LCORL: variants seen among roughly 807,000 people sequenced by gnomAD.
LCORL encodes the protein ligand dependent nuclear receptor corepressor like.
A neutral mutation model predicts 141.8 loss-of-function variants in LCORL; 41 were observed. The observed-to-expected ratio is 0.29, with a 90% CI of 0.23 to 0.38. The LOEUF (loss-of-function observed/expected upper bound fraction) is 0.38. LCORL is among the 10% of genes least tolerant of loss of function. The pLI, the probability that LCORL is intolerant of heterozygous loss-of-function variation, is 1.00. For synonymous variants in LCORL, 618 were observed against 694.1 expected, an observed-to-expected ratio of 0.89 and a Z score of 1.72; for missense variants, 1,759 against 2,035.0, an observed-to-expected ratio of 0.86 and a Z score of 2.61.
intron 4 of LCORL, among the ~76,000 whole-genome samples, chr4:17,929,101 G>C (rs1450862141): frequency 1.3e-5 from 2 of 152,154 alleles, no homozygotes; most frequent in Non-Finnish European, 2.9e-5. Flanking sequence ...AGGCAGAAGA[G>C]TTGTACACCG....
intron 4 of LCORL, among the ~76,000 whole-genome samples, chr4:17,910,906 T>C (rs769468851): frequency 1.3e-5 from 2 of 152,162 alleles, no homozygotes; most frequent in African/African-American, 2.4e-5. Flanking sequence ...ATAAGAAAAA[T>C]ACAATTTTAT....
At chr4:17,847,501 TATAA>T (rs1314687254) in intron 7 of LCORL, among the ~76,000 whole-genome samples, 1 of 152,226 alleles carries the variant, frequency 6.6e-6, no homozygotes, top group African/African-American at 2.4e-5. Flanking sequence ...TTTCAATTTG[TATAA>T]ATAGATACTA....
rs1726611914 is a variant in LCORL at position 17,873,657 on chromosome 4, G to T, written c.5333C>A (p.Ala1778Asp). The T allele has an allele frequency of 2.4e-6, 3 of 1,233,916 alleles. No homozygotes were observed. The East Asian group carries it at 9.5e-5, about 39-fold the overall frequency. The allele number at this position is 1,233,916 out of a possible 1,614,324, so 76.4% of individuals were successfully genotyped here. ...TTGCTTTTTAAAAGAATTTTGCCTAGCAGAATGAGATCTTAAAGTAAAGCG... is the reference window on the plus strand; with the variant it reads ...TTGCTTTTTAAAAGAATTTTGCCTATCAGAATGAGATCTTAAAGTAAAGCG... The change falls in exon 7 of 8, where the codon GCT becomes GAT. Residue 1778 changes from alanine to aspartate, a missense_variant. Physicochemically the swap from Ala to Asp is moderately radical, Grantham distance 126 (BLOSUM62 -2). This residue lies in a region of LCORL where 313 missense variants were observed against 336.1 expected (regional missense o/e 0.93). Coordinates refer to ENST00000635767, the Ensembl canonical transcript of LCORL.
exon 7 of LCORL, chr4:17,876,933 T>C: frequency 8.1e-7 from 1 of 1,230,736 alleles, no homozygotes; most frequent in Non-Finnish European, 1.0e-6. Context: ...TTCAGCATGA[T>C]TTTTACCTTG....
Position 18,021,520 on chromosome 4 carries a change from C to G in LCORL, c.154+78G>C. 2.3e-6 allele frequency: 3 copies of G among 1,292,830 alleles called. No individual in the cohort carries two copies. Among genetic ancestry groups the G allele is most frequent in the Non-Finnish European group, 3.1e-6 (3 of 958,174 alleles). The allele number at this position is 1,292,830 out of a possible 1,614,324, so 80.1% of individuals were successfully genotyped here. On this transcript the variant is annotated intron_variant, in intron 1 of 7. Transcript: ENST00000635767. This position sits in a 1 kb window ranked among gnomAD's most constrained non-coding sequence, Gnocchi z 5.5. ...AACCCGAACGGGAGATTCAACTAAACCCCTCAGCCACAAACTCCTCGGGCT... is the reference window on the plus strand; with the variant it reads ...AACCCGAACGGGAGATTCAACTAAAGCCCTCAGCCACAAACTCCTCGGGCT...
At chr4:17,934,755 C>A (rs1006832798) in intron 4 of LCORL, among the ~76,000 whole-genome samples, 1 of 152,172 alleles carries the variant, frequency 6.6e-6, no homozygotes, top group Non-Finnish European at 1.5e-5. Context: ...CACATTTTGA[C>A]AACTACAGAG....
At chr4:18,005,304 T>C (rs922915230) in intron 1 of LCORL, among the ~76,000 whole-genome samples, 3 of 152,214 alleles carry the variant, frequency 2.0e-5, no homozygotes, top group Admixed American at 6.5e-5. Context: ...CCCATGGTCT[T>C]GGGCAGCTCT....
chr4:17,897,213 C>CCTTTTTTTTTTTTTTTT lies in LCORL; in HGVS notation c.683-11053_683-11052insAAAAAAAAAAAAAAAAG, dbSNP rs1553863446. ...AGACTTCTCTTTGATATACTGATTT[C>CCTTTTTTTTTTTTTTTT]TTTTTTTTTTTTTTTTTTTTTTTTT... On this transcript the variant is annotated intron_variant, in intron 5 of 7. Coordinates refer to ENST00000635767, the Ensembl canonical transcript of LCORL. Among the ~76,000 whole-genome samples the CCTTTTTTTTTTTTTTTT allele has an allele frequency of 2.4e-3, 152 of 63,986 alleles. 73 individuals carry two copies. Among genetic ancestry groups the CCTTTTTTTTTTTTTTTT allele is most frequent in the East Asian group, 3.9e-3 (8 of 2,040 alleles). 42.0% of individuals were successfully genotyped at this position (63,986 alleles called of 152,430 possible). A position where few individuals can be genotyped will look rare whatever the true frequency, so the allele number is the denominator to read the frequency against.
At chr4:17,915,145 T>C (rs964504976) in intron 4 of LCORL, among the ~76,000 whole-genome samples, 3 of 152,152 alleles carry the variant, frequency 2.0e-5, no homozygotes, top group Admixed American at 6.5e-5. Flanking sequence ...TTCATTTGTC[T>C]ATCCCTTCAT....
At chr4:17,988,255 C>A (rs192662017) in intron 1 of LCORL, among the ~76,000 whole-genome samples, 5 of 152,058 alleles carry the variant, frequency 3.3e-5, no homozygotes, top group African/African-American at 4.8e-5. Context: ...TGTAAATTGC[C>A]CAGTCTCGGG....
At chr4:17,965,197 GTATAGCTT>G (rs1358951873) in intron 2 of LCORL, among the ~76,000 whole-genome samples, 1 of 152,048 alleles carries the variant, frequency 6.6e-6, no homozygotes, top group Admixed American at 6.6e-5. Flanking sequence ...AATTCAAAAT[GTATAGCTT>G]TATAGCTTTA....
At chr4:17,929,862 A>T (rs991854900) in intron 4 of LCORL, among the ~76,000 whole-genome samples, 1 of 152,242 alleles carries the variant, frequency 6.6e-6, no homozygotes, top group Admixed American at 6.5e-5. Context: ...ACCATGTCTT[A>T]TAAGGGTCCA....
intron 4 of LCORL, among the ~76,000 whole-genome samples, chr4:17,949,061 T>C (rs1289981000): frequency 6.6e-6 from 1 of 152,074 alleles, no homozygotes; most frequent in Non-Finnish European, 1.5e-5. Context: ...TTTAGTACCC[T>C]AATTCCCCCT....
chr4:17,939,805 G>A (rs995540570), intron 4 of LCORL, among the ~76,000 whole-genome samples: 1 of 151,406 alleles, frequency 6.6e-6, no homozygotes, highest in South Asian at 2.1e-4. Context: ...TCTAAACAGA[G>A]GTGAAGTGTT....
At chr4:17,957,117 G>A (rs1035167890) in intron 4 of LCORL, among the ~76,000 whole-genome samples, 24 of 151,934 alleles carry the variant, frequency 1.6e-4, no homozygotes, top group African/African-American at 5.3e-4. Context: ...GGTGTTGGAT[G>A]TATCAGCTAC....
intron 4 of LCORL, among the ~76,000 whole-genome samples, chr4:17,942,067 T>C (rs182541065): frequency 8.7e-4 from 133 of 152,296 alleles, no homozygotes; most frequent in African/African-American, 3.0e-3. Flanking sequence ...CTAACCAGTA[T>C]GGTACTCAAG....
At chr4:18,016,155 C>T (rs1014378915) in intron 1 of LCORL, among the ~76,000 whole-genome samples, 1 of 147,312 alleles carries the variant, frequency 6.8e-6, no homozygotes, top group Non-Finnish European at 1.5e-5. Context: ...TTCAAAGCTG[C>T]TAATAACCTG....
intron 1 of LCORL, among the ~76,000 whole-genome samples, chr4:18,009,280 T>G (rs1223572813): frequency 6.6e-6 from 1 of 152,060 alleles, no homozygotes; most frequent in Admixed American, 6.6e-5. Flanking sequence ...TTCTTAATAC[T>G]GATCAATCTT....
Position 17,874,796 on chromosome 4 carries a change from C to CT in LCORL, c.4193dup (p.Cys1399ValfsTer5). 8.1e-7 allele frequency: 1 copy of CT among 1,233,764 alleles called. No homozygotes were observed. The highest frequency in any genetic ancestry group is 1.0e-6 in the Non-Finnish European group (1 of 987,802). 76.4% of individuals were successfully genotyped at this position (1,233,764 alleles called of 1,614,324 possible). A position where few individuals can be genotyped will look rare whatever the true frequency, so the allele number is the denominator to read the frequency against. On this transcript the variant is annotated frameshift_variant, in exon 7 of 8. Coordinates refer to ENST00000635767, the Ensembl canonical transcript of LCORL. LOFTEE classifies it high-confidence loss of function. ...GTACTAATTTATTATCTTCCAAACA[C>CT]TTTTTTGCATTCCGCGAAAGTCTGT...
Sources: allele counts gnomAD v4.1 joint callset (sites outside exome capture counted in the v4.1 genomes callset), GRCh38; gene constraint gnomAD v4.1.1; regional missense constraint gnomAD v4.1.1; non-coding constraint Gnocchi (gnomAD v3.1); transcripts MANE v1.5; gene names NCBI Gene and HGNC (gene_info 2026-07-23, HGNC 2026-07-21).